The following TAFA2 variants were observed in gnomAD, a reference collection of about 807,000 sequenced individuals.
The protein encoded by TAFA2 is chemokine-like protein TAFA-2.
In TAFA2, 7 loss-of-function variants were observed where a neutral mutation model predicts 18.8. The observed-to-expected ratio is 0.37, with a 90% CI of 0.21 to 0.70. The LOEUF is 0.70. TAFA2 is among the 30% of genes least tolerant of loss of function. TAFA2 has a pLI of 0.53. For synonymous variants in TAFA2, 60 were observed against 54.2 expected, an observed-to-expected ratio of 1.11 and a Z score of -0.47; for missense variants, 122 against 158.1, an observed-to-expected ratio of 0.77 and a Z score of 1.23.
At chr12:61,752,594 A>T (rs7977604) in intron 4 of TAFA2, among the ~76,000 whole-genome samples, 51,868 of 151,832 alleles carry the variant, frequency 0.34, 8,891 homozygotes, top group South Asian at 0.38. Flanking sequence ...GAGTCAAGAA[A>T]AATTTCATGA....
chr12:62,229,869 T>C (rs12301942), intron 1 of TAFA2, among the ~76,000 whole-genome samples: 31 of 152,194 alleles, frequency 2.0e-4, no homozygotes, highest in African/African-American at 7.0e-4. Context: ...GTTGTTGTTG[T>C]TGTTGGGAGA....
chr12:61,978,197 T>C (rs1879505223), intron 1 of TAFA2, among the ~76,000 whole-genome samples: 1 of 152,054 alleles, frequency 6.6e-6, no homozygotes, highest in African/African-American at 2.4e-5. Flanking sequence ...AGATAATGTA[T>C]ACAAAATACT....
intron 1 of TAFA2, among the ~76,000 whole-genome samples, chr12:61,873,844 A>T (rs758740659): frequency 1.8e-4 from 28 of 152,148 alleles, no homozygotes; most frequent in Non-Finnish European, 3.4e-4. Context: ...TTTGAGGTGG[A>T]TGGTGCCATC....
At chr12:61,928,496 C>T (rs1175275576) in intron 1 of TAFA2, among the ~76,000 whole-genome samples, 1 of 152,032 alleles carries the variant, frequency 6.6e-6, no homozygotes, top group African/African-American at 2.4e-5. Context: ...GAATGGCGAT[C>T]ATTAAAAAGT....
chr12:62,110,653 T>A (rs1869687007), intron 1 of TAFA2, among the ~76,000 whole-genome samples: 1 of 147,110 alleles, frequency 6.8e-6, no homozygotes, highest in African/African-American at 2.5e-5. Flanking sequence ...TATTAATTAC[T>A]GCCTCAATTT....
intron 1 of TAFA2, among the ~76,000 whole-genome samples, chr12:62,212,710 A>G (rs2062719320): frequency 6.6e-6 from 1 of 152,248 alleles, no homozygotes; most frequent in Non-Finnish European, 1.5e-5. Context: ...TAAAAGCGAA[A>G]CATTTGAAAA....
At chr12:61,921,006 G>A (rs1877029410) in intron 1 of TAFA2, among the ~76,000 whole-genome samples, 1 of 152,108 alleles carries the variant, frequency 6.6e-6, no homozygotes, top group Admixed American at 6.6e-5. Context: ...GAGTGCGATT[G>A]GTGGGTTCAG....
At chr12:62,249,564 G>C (rs1298024673) in intron 1 of TAFA2, among the ~76,000 whole-genome samples, 1 of 152,062 alleles carries the variant, frequency 6.6e-6, no homozygotes, top group Admixed American at 6.6e-5. Context: ...TGCTAAATGT[G>C]CCTCAGTTTC....
intron 1 of TAFA2, among the ~76,000 whole-genome samples, chr12:61,992,825 C>A (rs1880056016): frequency 6.6e-6 from 1 of 152,106 alleles, no homozygotes; most frequent in African/African-American, 2.4e-5. Context: ...TGCTATATCC[C>A]CTAAATCAAG....
chr12:61,997,814 T>C (rs1171702286), intron 1 of TAFA2, among the ~76,000 whole-genome samples: 1 of 152,104 alleles, frequency 6.6e-6, no homozygotes, highest in African/African-American at 2.4e-5. Context: ...ATTTTTTTTT[T>C]CAAATAAACA....
At chr12:62,107,149 T>C (rs1234660840) in intron 1 of TAFA2, among the ~76,000 whole-genome samples, 3 of 152,220 alleles carry the variant, frequency 2.0e-5, no homozygotes, top group Non-Finnish European at 2.9e-5. Context: ...GGTCATTCTC[T>C]ACTTCAGACA....
chr12:61,879,424 T>C, intron 1 of TAFA2: 1 of 698,712 alleles, frequency 1.4e-6, no homozygotes. Flanking sequence ...CATCAGCTCC[T>C]CAAGCTTCTC....
At chr12:62,118,810 T>C (rs1870072336) in intron 1 of TAFA2, among the ~76,000 whole-genome samples, 1 of 152,156 alleles carries the variant, frequency 6.6e-6, no homozygotes, top group African/African-American at 2.4e-5. Flanking sequence ...CTACTTTTCT[T>C]ACTGATTTGT....
At chr12:62,069,345 G>A (rs1296726189) in intron 1 of TAFA2, among the ~76,000 whole-genome samples, 1 of 152,132 alleles carries the variant, frequency 6.6e-6, no homozygotes, top group Non-Finnish European at 1.5e-5. Flanking sequence ...CTTACTATGA[G>A]TCCAAGGGGA....
intron 1 of TAFA2, among the ~76,000 whole-genome samples, chr12:62,175,773 T>A (rs1263137726): frequency 6.6e-6 from 1 of 152,096 alleles, no homozygotes; most frequent in Non-Finnish European, 1.5e-5. Flanking sequence ...TACTTATTGA[T>A]AATTAAGGCG....
chr12:61,965,485 T>C lies in TAFA2; in HGVS notation c.-1-98059A>G, dbSNP rs565370068. ...TTTGGGGAAATATCATACTTAAGAA[T>C]CTGTGCGAGTATGCAGTCACTTGGG... On this transcript the variant is annotated intron_variant, in intron 1 of 4. Transcript: ENST00000416284. 5.9e-5 allele frequency among the ~76,000 whole-genome samples: 9 copies of C among 152,020 alleles called. No homozygotes were observed. The South Asian group carries it at 1.0e-3, about 17-fold the overall frequency.
At chr12:62,039,224 G>C (rs912312990) in intron 1 of TAFA2, among the ~76,000 whole-genome samples, 2 of 152,088 alleles carry the variant, frequency 1.3e-5, no homozygotes, top group Non-Finnish European at 2.9e-5. Context: ...ATAAAATTTG[G>C]TATGGTAAAC....
chr12:62,153,499 C>CA (rs1295356558), intron 1 of TAFA2, among the ~76,000 whole-genome samples: 11 of 151,548 alleles, frequency 7.3e-5, no homozygotes, highest in Non-Finnish European at 1.2e-4. Flanking sequence ...CCCATCTCTA[C>CA]AAAAAAAATT....
chr12:61,887,851 T>G (rs186576988), intron 1 of TAFA2, among the ~76,000 whole-genome samples: 3,651 of 151,924 alleles, frequency 0.024, 149 homozygotes, highest in African/African-American at 0.082. Context: ...ACATTTGGGT[T>G]GGTTCCAAGT....
Sources: allele counts gnomAD v4.1 joint callset (sites outside exome capture counted in the v4.1 genomes callset), GRCh38; gene constraint gnomAD v4.1.1; transcripts MANE v1.5; gene names NCBI Gene and HGNC (gene_info 2026-07-23, HGNC 2026-07-21).